DENND5B: variants seen among roughly 807,000 people sequenced by gnomAD.
DENND5B encodes the protein DENN domain-containing protein 5B.
Under a neutral mutation model 140.6 loss-of-function variants are expected in DENND5B, and 34 were observed. The ratio of observed to expected loss-of-function variants is 0.24; its 90% CI spans 0.18 to 0.32. DENND5B has a LOEUF of 0.32. Ranked by LOEUF, DENND5B falls within the 10% of genes least tolerant of loss-of-function variation. DENND5B has a pLI of 1.00. For synonymous variants in DENND5B, 551 were observed against 562.1 expected (o/e 0.98, Z 0.28); for missense variants, 1,142 against 1,560.2 (o/e 0.73, Z 4.52).
chr12:31,401,148 A>G (rs708209), intron 15 of DENND5B, among the ~76,000 whole-genome samples: 53,296 of 152,022 alleles, frequency 0.35, 10,599 homozygotes, highest in Non-Finnish European at 0.47. Flanking sequence ...GGCCAGAGCT[A>G]CGAGTTCTTA....
intron 2 of DENND5B, among the ~76,000 whole-genome samples, chr12:31,494,247 T>TACCC (rs1565635782): frequency 1.4e-5 from 2 of 142,840 alleles, no homozygotes; most frequent in African/African-American, 5.2e-5. Flanking sequence ...CCTACCTACC[T>TACCC]ACCTACCTAT....
intron 11 of DENND5B, among the ~76,000 whole-genome samples, chr12:31,420,689 C>T (rs1336135010): frequency 6.6e-6 from 1 of 152,016 alleles, no homozygotes; most frequent in African/African-American, 2.4e-5. Context: ...AGTAATTTGT[C>T]CTCCTTGAGC....
At chr12:31,521,609 T>C (rs1379885038) in intron 1 of DENND5B, among the ~76,000 whole-genome samples, 2 of 152,208 alleles carry the variant, frequency 1.3e-5, no homozygotes, top group African/African-American at 4.8e-5. Flanking sequence ...GAAATGTGTG[T>C]GGGTTTTTTT....
At chr12:31,513,338 T>G (rs1157916321) in intron 1 of DENND5B, among the ~76,000 whole-genome samples, 1 of 152,210 alleles carries the variant, frequency 6.6e-6, no homozygotes, top group Non-Finnish European at 1.5e-5. Context: ...TTTTCTATAT[T>G]GCAATCTTCA....
chr12:31,418,142 C>A (rs1051915552), intron 11 of DENND5B, among the ~76,000 whole-genome samples: 1 of 151,902 alleles, frequency 6.6e-6, no homozygotes, highest in Admixed American at 6.6e-5. Context: ...TTTGTTGTGG[C>A]GATTTTGGGA....
rs1940833429 is a variant in DENND5B, at chr12:31,385,904, C to T, written c.*1699G>A. On this transcript the variant is annotated 3_prime_UTR_variant, in exon 21 of 21. Coordinates refer to ENST00000389082, the MANE Select transcript of DENND5B (RefSeq NM_144973.4). Reference sequence around the variant, plus strand: ...TGTTAGCCAGGAGGGTCTCAATCTCCTGACCTTGTGATCCGCCTGCCTCGG... The same window carrying T: ...TGTTAGCCAGGAGGGTCTCAATCTCTTGACCTTGTGATCCGCCTGCCTCGG... 6.6e-6 allele frequency: 1 copy of T among 152,342 alleles called. No individual in the cohort carries two copies. Among genetic ancestry groups the T allele is most frequent in the Admixed American group, 6.6e-5 (1 of 15,266 alleles). The allele number at this position is 152,342 out of a possible 1,614,324, so 9.4% of individuals were successfully genotyped here. A position where few individuals can be genotyped will look rare whatever the true frequency, so the allele number is the denominator to read the frequency against.
chr12:31,503,594 T>C (rs1298029495), intron 1 of DENND5B, among the ~76,000 whole-genome samples: 1 of 152,118 alleles, frequency 6.6e-6, no homozygotes, highest in African/African-American at 2.4e-5. Flanking sequence ...CAAAATGAGA[T>C]GCAAAGTAGG....
intron 1 of DENND5B, 173 bp downstream of exon 1, chr12:31,590,533 A>C: frequency 1.3e-6 from 1 of 789,128 alleles, no homozygotes; most frequent in Non-Finnish European, 1.8e-6. Flanking sequence ...CCGCACGCGG[A>C]ATAAATAACA....
At chr12:31,501,143 C>T (rs1437072265) in intron 1 of DENND5B, among the ~76,000 whole-genome samples, 1 of 152,126 alleles carries the variant, frequency 6.6e-6, no homozygotes, top group Non-Finnish European at 1.5e-5. Flanking sequence ...TCCCATAATC[C>T]CCACACACCG....
intron 1 of DENND5B, among the ~76,000 whole-genome samples, chr12:31,550,537 G>A (rs1489176524): frequency 6.6e-6 from 1 of 151,896 alleles, no homozygotes; most frequent in African/African-American, 2.4e-5. Context: ...GTGTGCATGT[G>A]TCTTTATAGC....
Position 31,385,334 on chromosome 12 carries a change from G to C in DENND5B, c.*2269C>G, listed in dbSNP as rs1940804329. On this transcript the variant is annotated 3_prime_UTR_variant, in exon 21 of 21. Transcript: ENST00000389082. ...TTGTCAGTAACCAGCTGTGGGGTAA[G>C]TGTAAGATTTAATCTCTCTATTCCT... The C allele has an allele frequency of 1.3e-5, 2 of 152,166 alleles. No homozygotes were observed. Among genetic ancestry groups the C allele is most frequent in the Admixed American group, 1.3e-4 (2 of 15,268 alleles). 9.4% of individuals were successfully genotyped at this position (152,166 alleles called of 1,614,324 possible).
At chr12:31,569,870 A>C (rs1224173760) in intron 1 of DENND5B, among the ~76,000 whole-genome samples, 1 of 151,950 alleles carries the variant, frequency 6.6e-6, no homozygotes, top group Non-Finnish European at 1.5e-5. Flanking sequence ...GGAACAACTA[A>C]AATTCATCTC....
At chr12:31,555,916 T>G (rs528097702) in intron 1 of DENND5B, among the ~76,000 whole-genome samples, 41 of 152,330 alleles carry the variant, frequency 2.7e-4, no homozygotes, top group Non-Finnish European at 5.1e-4. Context: ...AAGCACAATA[T>G]TAGGGTGGGA....
At chr12:31,484,358 ATCACTGAAGCTGACCCTCTTCAGC>A (rs1184451914) in intron 2 of DENND5B, among the ~76,000 whole-genome samples, 1 of 152,110 alleles carries the variant, frequency 6.6e-6, no homozygotes, top group Non-Finnish European at 1.5e-5. Flanking sequence ...ATTGAGAGTA[ATCACTGAAGCTGACCCTCTTCAGC>A]AACATGAAAA....
At chr12:31,389,793 A>G (rs1373755806) in intron 19 of DENND5B, among the ~76,000 whole-genome samples, 1 of 152,196 alleles carries the variant, frequency 6.6e-6, no homozygotes, top group African/African-American at 2.4e-5. Flanking sequence ...CAAAAATAGC[A>G]TCTTCTGTTA....
chr12:31,548,959 G>A (rs927540302), intron 1 of DENND5B, among the ~76,000 whole-genome samples: 8 of 152,146 alleles, frequency 5.3e-5, no homozygotes, highest in South Asian at 2.1e-4. Flanking sequence ...GCAGTGGTAC[G>A]ATCATAGCTC....
Position 31,395,942 on chromosome 12 carries a change from C to CAAAAAA in DENND5B, c.3256+2227_3256+2232dup, listed in dbSNP as rs541816511. On this transcript the variant is annotated intron_variant, in intron 17 of 20. Transcript: ENST00000389082. ...AGTCAAAATTTAGTTATCACTGGGC[C>CAAAAAA]AAAAAAAAAAAAAAAAAAAAAGCAA... 2.0e-3 allele frequency among the ~76,000 whole-genome samples: 179 copies of CAAAAAA among 91,736 alleles called. No individual in the cohort carries two copies. In the East Asian group the frequency reaches 0.032, roughly 17 times the overall value. 60.2% of individuals were successfully genotyped at this position (91,736 alleles called of 152,430 possible). A position where few individuals can be genotyped will look rare whatever the true frequency, so the allele number is the denominator to read the frequency against.
Position 31,404,854 on chromosome 12 carries a change from G to C in DENND5B, c.2804-2211C>G, listed in dbSNP as rs6487990. The stretch of plus-strand genomic sequence containing the variant: ...GGCTCACTGCAACCTCTGCCTCCCG[G>C]GCTCAAGCGATTCTCCTGCCTCAGC... On this transcript the variant is annotated intron_variant, in intron 14 of 20. Coordinates refer to ENST00000389082, the MANE Select transcript of DENND5B (RefSeq NM_144973.4). Among the ~76,000 whole-genome samples, 654 of 146,070 alleles carry C rather than the reference G, an allele frequency of 4.5e-3. 2 individuals are homozygous for C. Among genetic ancestry groups the C allele is most frequent in the Middle Eastern group, 7.0e-3 (2 of 284 alleles).
intron 3 of DENND5B, among the ~76,000 whole-genome samples, chr12:31,463,093 T>C (rs1170000279): frequency 6.6e-6 from 1 of 151,952 alleles, no homozygotes; most frequent in Non-Finnish European, 1.5e-5. Flanking sequence ...CAAAACCCTG[T>C]CTCTAGTAAA....
Sources: allele counts gnomAD v4.1 joint callset (sites outside exome capture counted in the v4.1 genomes callset), GRCh38; gene constraint gnomAD v4.1.1; transcripts MANE v1.5; gene names NCBI Gene and HGNC (gene_info 2026-07-23, HGNC 2026-07-21).